NOC2L: variants seen among roughly 807,000 people sequenced by gnomAD.
NOC2L encodes nucleolar complex protein 2 homolog.
NOC2L carries 101 observed loss-of-function variants against 94.2 expected under a neutral mutation model. The ratio of observed to expected loss-of-function variants is 1.07; its 90% confidence interval spans 0.91 to 1.26. NOC2L has a LOEUF of 1.26. NOC2L is among the 50% of genes most tolerant of loss of function. The pLI is 0.00. For synonymous variants in NOC2L, 531 were observed against 413.4 expected, an observed-to-expected ratio of 1.28 and a Z score of -3.45; for missense variants, 1,076 against 980.1, an observed-to-expected ratio of 1.10 and a Z score of -1.31.
chr1:944,498 G>A lies in NOC2L; in HGVS notation c.*196C>T. The A allele has an allele frequency of 1.5e-6, 1 of 648,158 alleles. No individual in the cohort carries two copies. Among genetic ancestry groups the A allele is most frequent in the Non-Finnish European group, 2.5e-6 (1 of 396,628 alleles). The allele number at this position is 648,158 out of a possible 1,614,324, so 40.2% of individuals were successfully genotyped here. On this transcript the variant is annotated 3_prime_UTR_variant, in exon 19 of 19. Transcript: ENST00000327044. ...AGCAGCCCACAGCTGTGGGGCTTCA[G>A]CAGCCACACCAGCCCAGCCCAGCCC...
rs914148908 is a variant in NOC2L at position 944,292 on chromosome 1, G to A, written c.*402C>T. On this transcript the variant is annotated 3_prime_UTR_variant, in exon 19 of 19. Transcript: ENST00000327044. ...TTTAAAAGAAAATGTGACTTCAAAGGAAAGGAACAAATTTTCAAAGACTTG... is the reference window on the plus strand; with the variant it reads ...TTTAAAAGAAAATGTGACTTCAAAGAAAAGGAACAAATTTTCAAAGACTTG... 2.5e-5 allele frequency: 36 copies of A among 1,417,022 alleles called. No individual in the cohort carries two copies. The Admixed American group carries it at 6.3e-4, about 25-fold the overall frequency. 87.8% of individuals were successfully genotyped at this position (1,417,022 alleles called of 1,614,324 possible). A position where few individuals can be genotyped will look rare whatever the true frequency, so the allele number is the denominator to read the frequency against.
rs942709926 is a variant in NOC2L at position 945,517 on chromosome 1, C to T, written c.2053+1G>A. On this transcript the variant is annotated splice_donor_variant, in intron 17 of 18. Transcript: ENST00000327044. LOFTEE classifies it high-confidence loss of function. ...CCCTGGGAGCACCACGCAGGCCCCA[C>T]CTCTCTCCGAGAATCCCTCGGTGTC... 7 of 1,613,538 alleles carry T rather than the reference C, an allele frequency of 4.3e-6. No homozygotes were observed. The highest frequency in any genetic ancestry group is 2.7e-5 in the African/African-American group (2 of 74,918).
In NOC2L at chr1:953,795, C is replaced by T. The variant is rs143094540; in HGVS notation, c.875G>A (p.Arg292His). The stretch of plus-strand genomic sequence containing the variant: ...TGGGCCACGAACCTTGAGCAGCATG[C>T]GGCACTGCTTGGGGAAGGTCAGGAA... ...PCFLTFPKQC[R>H]MLLKRMVIVW... The change falls in exon 8 of 19, where the codon CGC (arginine) becomes CAC (histidine). Residue 292 changes from arginine to histidine, a missense_variant. Arg to His is a conservative substitution (Grantham distance 29, BLOSUM62 0). Coordinates refer to ENST00000327044, the MANE Select transcript of NOC2L (RefSeq NM_015658.4). 388 of 1,611,450 alleles carry T rather than the reference C, an allele frequency of 2.4e-4. No homozygotes were observed. Among genetic ancestry groups the T allele is most frequent in the Non-Finnish European group, 3.2e-4 (378 of 1,179,112 alleles).
intron 10 of NOC2L, 89 bp downstream of exon 10, chr1:952,323 C>T (rs1216017745): frequency 6.1e-5 from 92 of 1,508,504 alleles, no homozygotes; most frequent in Non-Finnish European, 7.5e-5. Flanking sequence ...ACAGGGGCTT[C>T]GGGGAGGCCC....
At position 955,975 on chromosome 1, in the gene NOC2L, T is replaced by C. The variant is rs776484250; in HGVS notation, c.646A>G (p.Ile216Val). The C allele has an allele frequency of 9.5e-6, 15 of 1,586,092 alleles. No individual in the cohort carries two copies. Among genetic ancestry groups the C allele is most frequent in the Non-Finnish European group, 1.3e-5 (15 of 1,163,178 alleles). The change falls in exon 6 of 19, where the codon ATT (isoleucine) becomes GTT (valine). Residue 216 changes from isoleucine to valine, a missense_variant. By Grantham distance (29) the Ile-to-Val change is conservative. Coordinates refer to ENST00000327044, the MANE Select transcript of NOC2L (RefSeq NM_015658.4). ...AACAGCAGCTTCTGGAGACAGCCAA[T>C]GAGGTCTCTGATGCAGAAGGTAACC... Reference protein sequence around the residue: ...ALVTFCIRDLIGCLQKLLFGK... With the variant: ...ALVTFCIRDLVGCLQKLLFGK...
rs978486706 is a variant in NOC2L at position 951,212 on chromosome 1, G to A, written c.1358C>T (p.Pro453Leu). Reference protein sequence around the residue: ...IKLIPTARFYPLRMHCIRALT... With the variant: ...IKLIPTARFYLLRMHCIRALT... ...GGCACGGATGCAGTGCATTCGCAGC[G>A]GGTAGAAGCGGGCAGTGGGGATGAG... The change falls in exon 12 of 19, where the codon CCG becomes CTG. Residue 453 changes from proline (P) to leucine (L), a missense_variant. Coordinates refer to ENST00000327044, the MANE Select transcript of NOC2L (RefSeq NM_015658.4). 9 of 1,590,646 alleles carry A rather than the reference G, an allele frequency of 5.7e-6. No homozygotes were observed. The highest frequency in any genetic ancestry group is 1.3e-5 in the African/African-American group (1 of 74,660).
intron 4 of NOC2L, 33 bp from the exon 5 acceptor site, chr1:956,248 G>T (rs372246552): frequency 6.2e-7 from 1 of 1,608,904 alleles, no homozygotes; most frequent in East Asian, 2.2e-5. Flanking sequence ...GGCGTCAGGG[G>T]AGCTGAGACT....
chr1:952,995 T>C (rs949899001), intron 9 of NOC2L, among the ~76,000 whole-genome samples, 180 bp downstream of exon 9: 8 of 152,142 alleles, frequency 5.3e-5, no homozygotes, highest in Non-Finnish European at 7.4e-5. Flanking sequence ...GAGGGCTCTC[T>C]TCCCTGCCCA....
intron 14 of NOC2L, among the ~76,000 whole-genome samples, chr1:947,248 G>A (rs1362266332): frequency 6.6e-6 from 1 of 152,164 alleles, no homozygotes; most frequent in East Asian, 1.9e-4. Flanking sequence ...TCCAGAAGCA[G>A]AGATGCCCCA....
At chr1:946,379 C>T (rs1642115085) in intron 15 of NOC2L, 23 bp downstream of exon 15, 3 of 1,613,418 alleles carry the variant, frequency 1.9e-6, no homozygotes, top group Middle Eastern at 3.3e-4. Context: ...CCTCAGGTGG[C>T]ACTACCCCCA....
chr1:954,429 C>T (rs976661550), intron 6 of NOC2L: 4 of 256,702 alleles, frequency 1.6e-5, no homozygotes, highest in Non-Finnish European at 1.5e-5. Flanking sequence ...TGAGACCACA[C>T]GAGGTCCCTA....
intron 6 of NOC2L, 29 bp from the exon 7 acceptor site, chr1:954,111 G>T (rs760787365): frequency 6.2e-7 from 1 of 1,608,456 alleles, no homozygotes; most frequent in South Asian, 1.1e-5. Context: ...CCCCTGGCTG[G>T]GAGGCCCCAC....
chr1:955,568 G>A (rs1019210323), intron 6 of NOC2L, among the ~76,000 whole-genome samples: 13 of 152,220 alleles, frequency 8.5e-5, no homozygotes, highest in South Asian at 2.1e-4. Flanking sequence ...GCCAGTCATA[G>A]TGCAGAGATC....
At chr1:950,418 G>A (rs1642224745) in intron 12 of NOC2L, among the ~76,000 whole-genome samples, 2 of 151,518 alleles carry the variant, frequency 1.3e-5, no homozygotes, top group South Asian at 4.1e-4. Flanking sequence ...CACACGCACA[G>A]GTACACACAT....
rs1242796048 is a variant in NOC2L, at chr1:948,249, A to G, written c.1558-17T>C. On this transcript the variant is annotated splice_polypyrimidine_tract_variant and intron_variant, in intron 13 of 18. Transcript: ENST00000327044. ...CAGGCCGTCCTGAAGAGCAGGAGAG[A>G]GGGCCGAGTGCATCAGGGAGAGGCT... The G allele has an allele frequency of 6.4e-6, 10 of 1,554,622 alleles. No individual in the cohort carries two copies. Among genetic ancestry groups the G allele is most frequent in the Non-Finnish European group, 8.7e-6 (10 of 1,145,600 alleles).
chr1:956,333 T>TG (rs1305379917), intron 4 of NOC2L, 118 bp from the exon 5 acceptor site: 3 of 1,210,326 alleles, frequency 2.5e-6, no homozygotes, highest in Non-Finnish European at 2.3e-6. Flanking sequence ...GGGCAGAGGT[T>TG]GGGGGGAGGC....
In NOC2L at chr1:952,468, G is replaced by A. The variant is rs765160791; in HGVS notation, c.1135C>T (p.Leu379Phe). ...EPGVAYQHAFLYIRQLAIHLR... is the reference protein window; with the variant it reads ...EPGVAYQHAFFYIRQLAIHLR... The stretch of plus-strand genomic sequence containing the variant: ...TGTATGGCGAGCTGGCGGATGTAGA[G>A]GAAGGCGTGCTGGTAGGCCACACCC... Residue 379 changes from leucine to phenylalanine, a missense_variant, in exon 10 of 19, where the codon CTC (leucine) becomes TTC (phenylalanine). By Grantham distance (22) the Leu-to-Phe change is conservative. Coordinates refer to ENST00000327044, the MANE Select transcript of NOC2L (RefSeq NM_015658.4). 1.3e-5 allele frequency: 21 copies of A among 1,613,718 alleles called. No individual in the cohort carries two copies. The highest frequency in any genetic ancestry group is 1.6e-5 in the Non-Finnish European group (19 of 1,180,002).
In NOC2L at chr1:944,560, AAAT is replaced by A. The variant is rs1178505466; in HGVS notation, c.*131_*133del. On this transcript the variant is annotated 3_prime_UTR_variant, in exon 19 of 19. Transcript: ENST00000327044. ...CGTTTGGTCTTTCATGCTGAAAAAT[AAAT>A]AATAAAGCCTGTCCCGTGTCTACTG... 1.7e-5 allele frequency: 11 copies of A among 633,886 alleles called. No homozygotes were observed. The highest frequency in any genetic ancestry group is 3.9e-5 in the South Asian group (2 of 50,942). 39.3% of individuals were successfully genotyped at this position (633,886 alleles called of 1,614,324 possible). A position where few individuals can be genotyped will look rare whatever the true frequency, so the allele number is the denominator to read the frequency against.
At chr1:951,060 C>T in intron 12 of NOC2L, 67 bp downstream of exon 12, 2 of 1,257,074 alleles carry the variant, frequency 1.6e-6, no homozygotes, top group Non-Finnish European at 2.3e-6. Flanking sequence ...GCACAGACGC[C>T]CGGAGCAGCA....
Sources: allele counts gnomAD v4.1 joint callset (sites outside exome capture counted in the v4.1 genomes callset), GRCh38; gene constraint gnomAD v4.1.1; transcripts MANE v1.5; gene names NCBI Gene and HGNC (gene_info 2026-07-23, HGNC 2026-07-21).